Variants in UBE4B observed in about 807,000 individuals in gnomAD.
UBE4B encodes ubiquitination factor E4B.
UBE4B carries 27 observed loss-of-function variants against 148.1 expected under a neutral mutation model. The observed-to-expected ratio is 0.18, with a 90% CI of 0.13 to 0.25. The LOEUF (loss-of-function observed/expected upper bound fraction) is 0.25, where lower values mean the gene tolerates loss of function less well. Ranked by LOEUF, UBE4B falls within the 10% of genes least tolerant of loss-of-function variation. UBE4B has a pLI of 1.00. For missense variants in UBE4B, 1,170 were observed against 1,662.4 expected, an observed-to-expected ratio of 0.70 and a Z score of 5.15; for synonymous variants, 596 against 619.3, an observed-to-expected ratio of 0.96 and a Z score of 0.56.
At position 10,072,062 on chromosome 1, in the gene UBE4B, G is replaced by C; in HGVS notation, c.59G>C (p.Gly20Ala). ...AGGCGCCTTGCACGACTTGCTGGTG[G>C]ACAGACCTCTCAGCCAACCACCCCA... Reference protein sequence around the residue: ...RRRRLARLAGGQTSQPTTPLT... With the variant: ...RRRRLARLAGAQTSQPTTPLT... The change falls in exon 2 of 28, where the codon GGA (glycine) becomes GCA (alanine). Residue 20 changes from glycine to alanine, a missense_variant. Gly to Ala is a moderately conservative substitution (Grantham distance 60). Transcript: ENST00000343090. 6.2e-7 allele frequency: 1 copy of C among 1,610,040 alleles called. No homozygotes were observed. The highest frequency in any genetic ancestry group is 8.5e-7 in the Non-Finnish European group (1 of 1,178,502).
At chr1:10,152,137 G>T (rs1645985429) in intron 21 of UBE4B, among the ~76,000 whole-genome samples, 1 of 151,762 alleles carries the variant, frequency 6.6e-6, no homozygotes, top group African/African-American at 2.4e-5. Flanking sequence ...ATGGTTGCAG[G>T]TGCCTGTAGT....
intron 1 of UBE4B, among the ~76,000 whole-genome samples, chr1:10,037,628 G>C (rs1643590427): frequency 6.6e-6 from 1 of 152,044 alleles, no homozygotes; most frequent in African/African-American, 2.4e-5. Flanking sequence ...CATGATCTTG[G>C]CTCACTGCAA....
intron 11 of UBE4B, among the ~76,000 whole-genome samples, chr1:10,127,242 A>G (rs1645515880): frequency 6.6e-6 from 1 of 152,084 alleles, no homozygotes; most frequent in South Asian, 2.1e-4. Context: ...TAAAAAAGGC[A>G]AAGCTGTACA....
At position 10,178,743 on chromosome 1, in the gene UBE4B, G is replaced by A. The variant is rs145582816; in HGVS notation, c.3625G>A (p.Glu1209Lys). ...IAIEKFKLLA[E>K]KVEEIVAKNA... ...AATAGAAAAATTTAAGCTGCTCGCC[G>A]AGAAAGTGGAGGAGATAGTGGCCAA... The change falls in exon 26 of 28, where the codon GAG becomes AAG. Residue 1209 changes from glutamate (E) to lysine (K), a missense_variant. Transcript: ENST00000343090. The A allele has an allele frequency of 3.7e-6, 6 of 1,613,810 alleles. No homozygotes were observed. The highest frequency in any genetic ancestry group is 5.1e-6 in the Non-Finnish European group (6 of 1,179,974).
intron 9 of UBE4B, among the ~76,000 whole-genome samples, chr1:10,120,119 A>T (rs1645385112): frequency 6.6e-6 from 1 of 152,216 alleles, no homozygotes; most frequent in African/African-American, 2.4e-5. Flanking sequence ...TTTTGTTTTT[A>T]AAAATTTTTT....
chr1:10,048,188 G>A lies in UBE4B; in HGVS notation c.24+14494G>A, dbSNP rs902183739. ...GAGGCAACTAGCTTTTCTACCACAG[G>A]GATACCAGGAATTTTGGCTTAAGCA... On this transcript the variant is annotated intron_variant, in intron 1 of 27. Coordinates refer to ENST00000343090, the MANE Select transcript of UBE4B (RefSeq NM_001105562.3). Among the ~76,000 whole-genome samples the A allele has an allele frequency of 2.6e-5, 4 of 152,118 alleles. No individual in the cohort carries two copies. In the East Asian group the frequency reaches 7.7e-4, roughly 29 times the overall value.
intron 2 of UBE4B, among the ~76,000 whole-genome samples, chr1:10,091,818 TG>T (rs1644852939): frequency 6.6e-6 from 1 of 152,194 alleles, no homozygotes; most frequent in Non-Finnish European, 1.5e-5. Flanking sequence ...TTGGTCAGGC[TG>T]GTCTCTAACT....
Position 10,106,471 on chromosome 1 carries a change from G to C in UBE4B, c.1084G>C (p.Ala362Pro), listed in dbSNP as rs1315234603. ...SPPALASSPQ[A>P]VPASSSRQRP... ...CCCTGCCCTCGCCAGTAGCCCCCAA[G>C]CAGTGCCCGCCAGCAGTTCCAGACA... is the stretch of plus-strand genomic sequence containing the variant. Residue 362 changes from alanine to proline, a missense_variant, in exon 7 of 28, where the codon GCA (alanine) becomes CCA (proline). Around this residue, in one of 6 missense-constraint regions of UBE4B, gnomAD observed 214 missense variants for 209.1 expected, o/e 1.02. Coordinates refer to ENST00000343090, the MANE Select transcript of UBE4B (RefSeq NM_001105562.3). The surrounding 1 kb of genome is among the most constrained non-coding windows in gnomAD (Gnocchi z 4.2). The C allele has an allele frequency of 6.2e-7, 1 of 1,613,698 alleles. No homozygotes were observed. Among genetic ancestry groups the C allele is most frequent in the Non-Finnish European group, 8.5e-7 (1 of 1,179,994 alleles).
At chr1:10,124,213 G>A (rs1645455512) in intron 10 of UBE4B, among the ~76,000 whole-genome samples, 1 of 151,834 alleles carries the variant, frequency 6.6e-6, no homozygotes, top group Admixed American at 6.6e-5. Context: ...CCAGGCTGGA[G>A]TGCAGTGGCG....
rs917907372 is a variant in UBE4B, at chr1:10,158,482, A to G, written c.3053A>G (p.Asn1018Ser). 1.9e-6 allele frequency: 3 copies of G among 1,613,678 alleles called. No individual in the cohort carries two copies. Among genetic ancestry groups the G allele is most frequent in the Admixed American group, 3.3e-5 (2 of 59,886 alleles). ...CATGGCACCTTTATGGAGGAGTTCAAGTGAGTATGGGGCCCCTCGTGTCAC... is the reference window on the plus strand; with the variant it reads ...CATGGCACCTTTATGGAGGAGTTCAGGTGAGTATGGGGCCCCTCGTGTCAC... ...AHHGTFMEEF[N>S]SGKQFVRYIN... The change falls in exon 22 of 28, where the codon AAC (asparagine) becomes AGC (serine). Residue 1018 changes from asparagine to serine, a missense_variant and splice_region_variant. Physicochemically the swap from Asn to Ser is conservative, Grantham distance 46. Coordinates refer to ENST00000343090, the MANE Select transcript of UBE4B (RefSeq NM_001105562.3).
chr1:10,103,100 T>G lies in UBE4B; in HGVS notation c.580+8T>G. 6.3e-7 allele frequency: 1 copy of G among 1,598,434 alleles called. No homozygotes were observed. Among genetic ancestry groups the G allele is most frequent in the Non-Finnish European group, 8.5e-7 (1 of 1,171,602 alleles). On this transcript the variant is annotated splice_region_variant and intron_variant, in intron 5 of 27. Transcript: ENST00000343090. Reference sequence around the variant, plus strand: ...AGCAGAACCCAAAAGAAGGTAGGAATCTAGCTCAGCAGTCTTACTGCAGAG... The same window carrying G: ...AGCAGAACCCAAAAGAAGGTAGGAAGCTAGCTCAGCAGTCTTACTGCAGAG...
At chr1:10,043,776 A>G (rs1643863710) in intron 1 of UBE4B, among the ~76,000 whole-genome samples, 1 of 152,158 alleles carries the variant, frequency 6.6e-6, no homozygotes, top group South Asian at 2.1e-4. Context: ...GCCAGGTGGC[A>G]GTTGTGACAT....
At chr1:10,178,588 C>T (rs566777095) in intron 25 of UBE4B, 56 bp from the exon 26 acceptor site, 5 of 1,508,190 alleles carry the variant, frequency 3.3e-6, no homozygotes, top group Non-Finnish European at 4.4e-6. Flanking sequence ...TTCTGCAGCT[C>T]GCTTTTTTCC....
intron 2 of UBE4B, among the ~76,000 whole-genome samples, chr1:10,092,404 T>C (rs1303369347): frequency 1.3e-5 from 2 of 151,948 alleles, no homozygotes; most frequent in Non-Finnish European, 2.9e-5. Flanking sequence ...TTTGTATTTT[T>C]AGTAGAGACA....
chr1:10,170,774 T>C (rs781269531), intron 24 of UBE4B, among the ~76,000 whole-genome samples: 14 of 152,248 alleles, frequency 9.2e-5, no homozygotes, highest in African/African-American at 1.2e-4. Context: ...AAACTTTTTT[T>C]GCTCAGATAA....
intron 1 of UBE4B, 23 bp downstream of exon 1, chr1:10,033,717 T>G: frequency 6.5e-7 from 1 of 1,549,720 alleles, no homozygotes; most frequent in Non-Finnish European, 8.7e-7. Flanking sequence ...GGGGACACCT[T>G]GAGGGATTAG....
chr1:10,141,135 A>G (rs911727008), intron 17 of UBE4B, among the ~76,000 whole-genome samples: 2 of 152,182 alleles, frequency 1.3e-5, no homozygotes, highest in Non-Finnish European at 2.9e-5. Context: ...ATGTTTCTGC[A>G]GTACATATGT....
rs1296468554 is a variant in UBE4B, at chr1:10,146,977, C to T, written c.2478C>T (p.Cys826=). ...CKTQLKKLVR[C]KACADAGLLD... ...TGCTTCCACAGAAACTGGTACGGTGCAAGGCCTGTGCTGATGCTGGCCTAC... is the reference window on the plus strand; with the variant it reads ...TGCTTCCACAGAAACTGGTACGGTGTAAGGCCTGTGCTGATGCTGGCCTAC... Residue 826 remains cysteine, a synonymous_variant, in exon 19 of 28, where the codon TGC becomes TGT. Transcript: ENST00000343090. 6.2e-7 allele frequency: 1 copy of T among 1,614,044 alleles called. No individual in the cohort carries two copies. The highest frequency in any genetic ancestry group is 1.1e-5 in the South Asian group (1 of 91,078).
chr1:10,076,972 C>T (rs1481388765), intron 2 of UBE4B, among the ~76,000 whole-genome samples: 1 of 151,926 alleles, frequency 6.6e-6, no homozygotes, highest in Non-Finnish European at 1.5e-5. Context: ...GTCTCGAACT[C>T]CTGACCTCAT....
Sources: gnomAD v4.1 joint callset for allele counts (sites outside exome capture counted in the v4.1 genomes callset) on GRCh38, gnomAD v4.1.1 for gene constraint, gnomAD v4.1.1 regional missense constraint, Gnocchi (gnomAD v3.1) non-coding constraint, MANE v1.5 for transcripts, NCBI Gene and HGNC (gene_info 2026-07-23, HGNC 2026-07-21) for gene names.